Variants in EXOC4 observed in about 807,000 individuals in gnomAD.
The protein encoded by EXOC4 is SEC8-like 1.
Under a neutral mutation model 107.2 loss-of-function variants are expected in EXOC4, and 71 were observed. That is an observed-to-expected ratio of 0.66 (90% confidence interval 0.55 to 0.81). The LOEUF (loss-of-function observed/expected upper bound fraction) is 0.81. EXOC4 is among the 30% of genes least tolerant of loss of function. EXOC4 has a pLI of 0.00. For synonymous variants in EXOC4, 456 were observed against 441.2 expected (o/e 1.03, Z -0.42); for missense variants, 1,108 against 1,189.6 (o/e 0.93, Z 1.01).
chr7:133,491,039 A>T (rs921913906), intron 9 of EXOC4, among the ~76,000 whole-genome samples: 3 of 152,194 alleles, frequency 2.0e-5, no homozygotes, highest in African/African-American at 7.2e-5. Context: ...AGTGATCATG[A>T]TGGCAGCCTG....
downstream of EXOC4, among the ~76,000 whole-genome samples, chr7:134,070,199 G>T (rs1036426276): frequency 6.6e-6 from 1 of 152,196 alleles, no homozygotes; most frequent in Non-Finnish European, 1.5e-5. Flanking sequence ...GGCTCGGCAA[G>T]GTGTCAACCC....
At chr7:133,639,953 G>A (rs1802811951) in intron 10 of EXOC4, among the ~76,000 whole-genome samples, 1 of 151,964 alleles carries the variant, frequency 6.6e-6, no homozygotes, top group Admixed American at 6.6e-5. Context: ...GAATATGGAA[G>A]TATGTTACTT....
chr7:133,721,977 G>A (rs1269055128), intron 10 of EXOC4, among the ~76,000 whole-genome samples: 2 of 152,156 alleles, frequency 1.3e-5, no homozygotes, highest in African/African-American at 4.8e-5. Flanking sequence ...CTTGCAAGTA[G>A]GGTAAAACCT....
chr7:133,990,514 A>G (rs1016300190), intron 14 of EXOC4, among the ~76,000 whole-genome samples: 9 of 152,104 alleles, frequency 5.9e-5, no homozygotes, highest in Non-Finnish European at 1.3e-4. Flanking sequence ...CAGTGGCGCA[A>G]TCTCGGCTCA....
chr7:133,588,159 A>G (rs1419937786), intron 9 of EXOC4, among the ~76,000 whole-genome samples: 1 of 152,196 alleles, frequency 6.6e-6, no homozygotes, highest in Non-Finnish European at 1.5e-5. Context: ...CAAGCCATTT[A>G]ATTGTTCAAA....
rs567966584 is a variant in EXOC4 at position 133,683,942 on chromosome 7, TA to T, written c.1514+53802del. On this transcript the variant is annotated intron_variant, in intron 10 of 17. Coordinates refer to ENST00000253861, the MANE Select transcript of EXOC4 (RefSeq NM_021807.4). ...TTTTTTCTTTTTTCAAAATTAAGCA[TA>T]GCATATTGAGCAAATGATCACAAAG... Among the ~76,000 whole-genome samples, 55 of 152,308 alleles carry T rather than the reference TA, an allele frequency of 3.6e-4. 1 individual carries two copies. In the East Asian group the frequency reaches 8.7e-3, roughly 24 times the overall value.
intron 9 of EXOC4, among the ~76,000 whole-genome samples, chr7:133,500,060 G>A (rs190869221): frequency 1.3e-4 from 20 of 151,822 alleles, no homozygotes; most frequent in Admixed American, 1.3e-3. Context: ...AACCAATAAA[G>A]GACAAAGATG....
At chr7:133,330,933 T>C (rs971778712) in intron 5 of EXOC4, among the ~76,000 whole-genome samples, 32 of 151,484 alleles carry the variant, frequency 2.1e-4, no homozygotes, top group African/African-American at 7.5e-4. Flanking sequence ...GACTTTTCTG[T>C]GAGAGGTTTT....
chr7:133,749,310 T>C (rs1795741050), intron 10 of EXOC4, among the ~76,000 whole-genome samples: 2 of 152,186 alleles, frequency 1.3e-5, no homozygotes, highest in Admixed American at 1.3e-4. Context: ...TATCCATATC[T>C]CTGGGTCCTG....
At chr7:133,792,267 A>T (rs987487933) in intron 10 of EXOC4, among the ~76,000 whole-genome samples, 1 of 152,148 alleles carries the variant, frequency 6.6e-6, no homozygotes, top group African/African-American at 2.4e-5. Context: ...TCATTTAAAA[A>T]TGCCTTAAAA....
chr7:133,936,942 T>TA (rs1307310108), intron 13 of EXOC4, among the ~76,000 whole-genome samples: 1 of 152,224 alleles, frequency 6.6e-6, no homozygotes, highest in Non-Finnish European at 1.5e-5. Context: ...ATTACAGGCT[T>TA]GAGCCACTGC....
intron 11 of EXOC4, among the ~76,000 whole-genome samples, chr7:133,849,901 C>T (rs1403416958): frequency 4.6e-5 from 7 of 152,200 alleles, no homozygotes; most frequent in African/African-American, 1.4e-4. Context: ...TTTTGGTCAG[C>T]TTTAACAATA....
chr7:133,972,962 G>A (rs1340078033), intron 14 of EXOC4, among the ~76,000 whole-genome samples: 1 of 152,204 alleles, frequency 6.6e-6, no homozygotes, highest in Admixed American at 6.5e-5. Context: ...TACACACATA[G>A]ACAGGGATTC....
intron 7 of EXOC4, among the ~76,000 whole-genome samples, chr7:133,429,805 C>T (rs1797813075): frequency 6.6e-6 from 1 of 152,200 alleles, no homozygotes; most frequent in Non-Finnish European, 1.5e-5. Context: ...ATTGCTTAAT[C>T]ATGAGACAGG....
At chr7:133,915,158 T>C (rs1431210847) in intron 12 of EXOC4, among the ~76,000 whole-genome samples, 1 of 152,190 alleles carries the variant, frequency 6.6e-6, no homozygotes, top group Non-Finnish European at 1.5e-5. Context: ...TGAAGTCAAT[T>C]AGTGCAGGCT....
intron 9 of EXOC4, among the ~76,000 whole-genome samples, chr7:133,603,540 T>G (rs1463338461): frequency 1.3e-5 from 2 of 152,244 alleles, no homozygotes; most frequent in Non-Finnish European, 2.9e-5. Context: ...ATGATATGCC[T>G]GCTGCTTTAC....
intron 10 of EXOC4, among the ~76,000 whole-genome samples, chr7:133,816,742 A>T (rs1254562021): frequency 6.6e-6 from 1 of 152,238 alleles, no homozygotes; most frequent in African/African-American, 2.4e-5. Flanking sequence ...CATAAGGAAC[A>T]TGCAACCTAG....
intron 14 of EXOC4, among the ~76,000 whole-genome samples, chr7:133,962,081 A>T (rs1394973821): frequency 6.6e-6 from 1 of 152,184 alleles, no homozygotes; most frequent in African/African-American, 2.4e-5. Flanking sequence ...CTAGCAGTTT[A>T]TGAATGAGAA....
intron 9 of EXOC4, among the ~76,000 whole-genome samples, chr7:133,581,328 A>G (rs1031481701): frequency 2.6e-5 from 4 of 152,302 alleles, no homozygotes; most frequent in East Asian, 3.9e-4. Flanking sequence ...TCGCGGGTAC[A>G]TGTACAGGTT....
Sources: allele counts gnomAD v4.1 joint callset (sites outside exome capture counted in the v4.1 genomes callset), GRCh38; gene constraint gnomAD v4.1.1; transcripts MANE v1.5; gene names NCBI Gene and HGNC (gene_info 2026-07-23, HGNC 2026-07-21).